SORCS1: variants seen among roughly 807,000 people sequenced by gnomAD.
The protein encoded by SORCS1 is VPS10 domain-containing receptor SorCS1.
In SORCS1, 60 loss-of-function variants were observed where a neutral mutation model predicts 146.1. The ratio of observed to expected loss-of-function variants is 0.41; its 90% CI spans 0.33 to 0.51. The LOEUF is 0.51. SORCS1 is among the 20% of genes least tolerant of loss of function. SORCS1 has a pLI of 0.21. For missense variants in SORCS1, 1,352 were observed against 1,487.6 expected (o/e 0.91, Z 1.50); for synonymous variants, 637 against 584.0 (o/e 1.09, Z -1.31).
chr10:106,909,896 G>C (rs1247397294), intron 2 of SORCS1, among the ~76,000 whole-genome samples: 1 of 152,134 alleles, frequency 6.6e-6, no homozygotes, highest in Non-Finnish European at 1.5e-5. Context: ...TTGCTGATAT[G>C]GGGGGAATGG....
At chr10:106,802,981 A>G (rs1045330970) in intron 3 of SORCS1, among the ~76,000 whole-genome samples, 1 of 152,208 alleles carries the variant, frequency 6.6e-6, no homozygotes, top group Non-Finnish European at 1.5e-5. Flanking sequence ...CTCAAGGCAA[A>G]TTATGACAGA....
At chr10:106,888,719 T>C (rs1177139377) in intron 2 of SORCS1, among the ~76,000 whole-genome samples, 5 of 152,224 alleles carry the variant, frequency 3.3e-5, no homozygotes, top group African/African-American at 9.6e-5. Context: ...CCTATTTGCA[T>C]GTCAAAAGAT....
At chr10:106,710,453 A>G (rs1854896145) in intron 6 of SORCS1, among the ~76,000 whole-genome samples, 1 of 137,132 alleles carries the variant, frequency 7.3e-6, no homozygotes, top group East Asian at 2.1e-4. Flanking sequence ...AAAAAAAGCA[A>G]AACCGAATTG....
intron 10 of SORCS1, among the ~76,000 whole-genome samples, chr10:106,686,882 G>A (rs765868981): frequency 2.6e-5 from 4 of 152,180 alleles, no homozygotes; most frequent in Non-Finnish European, 5.9e-5. Flanking sequence ...ATGGAAGGAA[G>A]CAAGCTGAGT....
chr10:106,640,482 C>A (rs1849005414), intron 18 of SORCS1, among the ~76,000 whole-genome samples: 1 of 152,214 alleles, frequency 6.6e-6, no homozygotes, highest in Non-Finnish European at 1.5e-5. Flanking sequence ...ATTTAAAAGT[C>A]TTAAATTATG....
At chr10:106,791,476 T>A (rs1946318431) in intron 3 of SORCS1, among the ~76,000 whole-genome samples, 1 of 152,148 alleles carries the variant, frequency 6.6e-6, no homozygotes, top group African/African-American at 2.4e-5. Flanking sequence ...GGCGGGCAGA[T>A]GGATCATGAG....
chr10:106,736,878 AACAG>A (rs1217971157), intron 5 of SORCS1, among the ~76,000 whole-genome samples: 4 of 152,194 alleles, frequency 2.6e-5, no homozygotes, highest in Non-Finnish European at 5.9e-5. Context: ...TCAATAGATA[AACAG>A]ACAGATAAAA....
At chr10:107,014,270 A>AAAC (rs1957804355) in intron 1 of SORCS1, among the ~76,000 whole-genome samples, 1 of 129,934 alleles carries the variant, frequency 7.7e-6, no homozygotes, top group Non-Finnish European at 1.6e-5. Flanking sequence ...AAAAAAAAAA[A>AAAC]AAGAAAAGAA....
chr10:106,748,784 T>G (rs975933978), intron 5 of SORCS1, among the ~76,000 whole-genome samples: 7 of 152,198 alleles, frequency 4.6e-5, no homozygotes, highest in Admixed American at 2.6e-4. Context: ...TCCTTTTGTC[T>G]TCTTCTCCCA....
intron 9 of SORCS1, among the ~76,000 whole-genome samples, chr10:106,692,573 C>T (rs1296080057): frequency 6.6e-6 from 1 of 152,110 alleles, no homozygotes; most frequent in African/African-American, 2.4e-5. Context: ...CACTAGAAAC[C>T]ACTGGATTTT....
chr10:107,109,458 A>G (rs1237635486), intron 1 of SORCS1, among the ~76,000 whole-genome samples: 2 of 152,286 alleles, frequency 1.3e-5, no homozygotes, highest in South Asian at 2.1e-4. Context: ...AGCCTGAGCT[A>G]TATCTGGGGC....
At chr10:107,075,958 A>G (rs951003373) in intron 1 of SORCS1, among the ~76,000 whole-genome samples, 3 of 152,004 alleles carry the variant, frequency 2.0e-5, no homozygotes, top group Non-Finnish European at 4.4e-5. Context: ...CCTTTTTGAG[A>G]AAAGAAACAA....
At chr10:106,941,232 G>C (rs1419724096) in intron 2 of SORCS1, among the ~76,000 whole-genome samples, 1 of 152,136 alleles carries the variant, frequency 6.6e-6, no homozygotes, top group African/African-American at 2.4e-5. Flanking sequence ...AAGGGGAAAG[G>C]CATCCCCAGC....
chr10:106,694,292 A>T (rs1459325245), intron 9 of SORCS1, among the ~76,000 whole-genome samples: 3 of 152,090 alleles, frequency 2.0e-5, no homozygotes, highest in Non-Finnish European at 4.4e-5. Flanking sequence ...TTTTTTGAGG[A>T]GGAGTCTTGC....
At chr10:106,860,521 G>A (rs1949968309) in intron 2 of SORCS1, among the ~76,000 whole-genome samples, 1 of 152,168 alleles carries the variant, frequency 6.6e-6, no homozygotes. Context: ...CATCGCACGA[G>A]TTAAGTACTG....
chr10:106,910,328 T>TACAG (rs531895727), intron 2 of SORCS1, among the ~76,000 whole-genome samples: 1 of 103,540 alleles, frequency 9.7e-6, no homozygotes, highest in Non-Finnish European at 2.0e-5. Flanking sequence ...ACAGTATATA[T>TACAG]ATATAGAGAG....
intron 2 of SORCS1, among the ~76,000 whole-genome samples, chr10:106,896,888 TG>T (rs1951501476): frequency 7.0e-6 from 1 of 143,328 alleles, no homozygotes; most frequent in African/African-American, 2.8e-5. Context: ...CACCAAATAC[TG>T]TTTTTTTTTT....
chr10:106,817,538 G>A (rs144466391), intron 3 of SORCS1, among the ~76,000 whole-genome samples: 2 of 152,194 alleles, frequency 1.3e-5, no homozygotes, highest in Non-Finnish European at 2.9e-5. Context: ...CACCTCCTCA[G>A]GGTCCAATAA....
intron 1 of SORCS1, among the ~76,000 whole-genome samples, chr10:107,159,265 A>G (rs557445485): frequency 1.3e-5 from 2 of 152,278 alleles, no homozygotes; most frequent in South Asian, 4.1e-4. Context: ...TACATCCCCA[A>G]CACTCCTAGT....
Sources: gnomAD v4.1 joint callset for allele counts (sites outside exome capture counted in the v4.1 genomes callset) on GRCh38, gnomAD v4.1.1 for gene constraint, MANE v1.5 for transcripts, NCBI Gene and HGNC (gene_info 2026-07-23, HGNC 2026-07-21) for gene names.